Variants in USP24 observed in about 807,000 individuals in gnomAD.
USP24 encodes ubiquitin specific peptidase 24, also known as ubiquitin carboxyl-terminal hydrolase 24.
Under a neutral mutation model 361.6 loss-of-function variants are expected in USP24, and 97 were observed. The observed-to-expected ratio is 0.27, with a 90% CI of 0.23 to 0.32. The LOEUF is 0.32. Ranked by LOEUF, USP24 falls within the 10% of genes least tolerant of loss-of-function variation. USP24 has a pLI of 1.00. For synonymous variants in USP24, 1,098 were observed against 1,124.6 expected (o/e 0.98, Z 0.47); for missense variants, 2,353 against 3,165.6 (o/e 0.74, Z 6.16).
At chr1:55,209,675 T>C (rs907604125) in intron 1 of USP24, among the ~76,000 whole-genome samples, 1 of 152,216 alleles carries the variant, frequency 6.6e-6, no homozygotes, top group Non-Finnish European at 1.5e-5. Context: ...TGAGCTTTAG[T>C]GCACTTAGAG....
chr1:55,204,477 T>C (rs1004059094), intron 1 of USP24, among the ~76,000 whole-genome samples: 2 of 152,184 alleles, frequency 1.3e-5, no homozygotes, highest in African/African-American at 4.8e-5. Context: ...GAAATACTGC[T>C]TGAAAAAAAT....
At chr1:55,208,414 G>A (rs1234682353) in intron 1 of USP24, among the ~76,000 whole-genome samples, 4 of 151,976 alleles carry the variant, frequency 2.6e-5, no homozygotes, top group African/African-American at 4.8e-5. Context: ...GATCACTTGA[G>A]GCCAGAAGTT....
At chr1:55,069,140 C>T (rs772003191) in intron 67 of USP24, 33 bp from the exon 68 acceptor site, 83 of 1,611,912 alleles carry the variant, frequency 5.1e-5, no homozygotes, top group Non-Finnish European at 5.9e-5. Flanking sequence ...AAAGTTCATA[C>T]GGTTAGAGAA....
At chr1:55,075,970 GAAAAC>G (rs906465187) in intron 62 of USP24, among the ~76,000 whole-genome samples, 3 of 151,870 alleles carry the variant, frequency 2.0e-5, no homozygotes, top group African/African-American at 7.3e-5. Context: ...TTGAAAAAAA[GAAAAC>G]AAAACAAAAC....
At chr1:55,143,146 A>G in intron 21 of USP24, 27 bp from the exon 22 acceptor site, 2 of 1,442,926 alleles carry the variant, frequency 1.4e-6, no homozygotes, top group Non-Finnish European at 9.1e-7. Flanking sequence ...AAATTAAATT[A>G]TAAAGCATAT....
chr1:55,077,205 T>G (rs758260598), intron 62 of USP24, 30 bp downstream of exon 62: 14 of 1,461,250 alleles, frequency 9.6e-6, no homozygotes, highest in Non-Finnish European at 1.2e-5. Flanking sequence ...CATTCCTAAA[T>G]AAAAGTGAGT....
At chr1:55,148,332 T>C in intron 17 of USP24, 131 bp downstream of exon 17, 2 of 607,052 alleles carry the variant, frequency 3.3e-6, no homozygotes, top group East Asian at 3.2e-5. Flanking sequence ...CTCAAGATTA[T>C]TAGATGATAT....
rs3072970 is a variant in USP24, at chr1:55,175,219, C to CTT, written c.558+1155_558+1156dup. On this transcript the variant is annotated intron_variant, in intron 3 of 67. Coordinates refer to ENST00000294383, the MANE Select transcript of USP24 (RefSeq NM_015306.3). ...ATGAACTCTTTGTTTTACTGGGTCT[C>CTT]TTTTTTTTTTTTTTTTTTTTTTTTT... Among the ~76,000 whole-genome samples, 123 of 66,892 alleles carry CTT rather than the reference C, an allele frequency of 1.8e-3. 1 individual carries two copies. Among genetic ancestry groups the CTT allele is most frequent in the Admixed American group, 3.3e-3 (15 of 4,516 alleles). 43.9% of individuals were successfully genotyped at this position (66,892 alleles called of 152,430 possible). A position where few individuals can be genotyped will look rare whatever the true frequency, so the allele number is the denominator to read the frequency against.
At chr1:55,179,252 C>T (rs1643895577) in intron 1 of USP24, among the ~76,000 whole-genome samples, 1 of 152,192 alleles carries the variant, frequency 6.6e-6, no homozygotes, top group Non-Finnish European at 1.5e-5. Flanking sequence ...TCTCTGTTCT[C>T]CTCCCATGGG....
intron 39 of USP24, among the ~76,000 whole-genome samples, chr1:55,109,338 T>C (rs765976210): frequency 3.9e-5 from 6 of 152,218 alleles, no homozygotes; most frequent in Non-Finnish European, 7.3e-5. Context: ...ATAGAAATGT[T>C]GTTGAGGATT....
chr1:55,069,787 C>T lies in USP24; in HGVS notation c.7801-680G>A, dbSNP rs562477114. ...CTTGGGAGGCTGAGGCAAGGAGAAT[C>T]GCTGGAACCTGGGAGAAGGAGGTAG... is the stretch of plus-strand genomic sequence containing the variant. On this transcript the variant is annotated intron_variant, in intron 67 of 67. Coordinates refer to ENST00000294383, the MANE Select transcript of USP24 (RefSeq NM_015306.3). Among the ~76,000 whole-genome samples, 450 of 140,640 alleles carry T rather than the reference C, an allele frequency of 3.2e-3. 3 individuals carry two copies. The highest frequency in any genetic ancestry group is 0.011 in the African/African-American group (436 of 38,012). The allele number at this position is 140,640 out of a possible 152,430, so 92.3% of individuals were successfully genotyped here.
chr1:55,146,846 T>G, intron 19 of USP24, 83 bp downstream of exon 19: 1 of 1,536,994 alleles, frequency 6.5e-7, no homozygotes, highest in Non-Finnish European at 8.8e-7. Flanking sequence ...AACTGAAAAG[T>G]GTTTAGAAGA....
chr1:55,193,745 T>C (rs1644348139), intron 1 of USP24, among the ~76,000 whole-genome samples: 1 of 152,184 alleles, frequency 6.6e-6, no homozygotes, highest in East Asian at 1.9e-4. Context: ...AGTGTACATA[T>C]ATTATAATTT....
intron 31 of USP24, among the ~76,000 whole-genome samples, chr1:55,132,212 G>T (rs1371196007): frequency 2.0e-5 from 3 of 152,052 alleles, no homozygotes; most frequent in African/African-American, 7.2e-5. Flanking sequence ...TATGAACCAG[G>T]AGGCCAGCCC....
intron 20 of USP24, among the ~76,000 whole-genome samples, chr1:55,145,427 T>C (rs1647002363): frequency 6.6e-6 from 1 of 152,224 alleles, no homozygotes. Context: ...GATCACAGTG[T>C]ATGACTCCAT....
chr1:55,140,779 T>C (rs1646865967), intron 24 of USP24, among the ~76,000 whole-genome samples: 1 of 152,180 alleles, frequency 6.6e-6, no homozygotes, highest in Admixed American at 6.5e-5. Context: ...GCCAGTTTTC[T>C]GGGAAATAAT....
chr1:55,069,400 G>C (rs769317947), intron 67 of USP24, among the ~76,000 whole-genome samples: 10 of 152,248 alleles, frequency 6.6e-5, no homozygotes, highest in Non-Finnish European at 1.2e-4. Context: ...AGCTGGGAGA[G>C]GCATTGATGG....
At chr1:55,132,099 G>GT (rs1415487193) in intron 31 of USP24, among the ~76,000 whole-genome samples, 1 of 152,164 alleles carries the variant, frequency 6.6e-6, no homozygotes, top group African/African-American at 2.4e-5. Context: ...ACAATTAAAT[G>GT]TATTAAAGCT....
At chr1:55,090,843 G>A (rs1645358093) in intron 54 of USP24, among the ~76,000 whole-genome samples, 1 of 152,240 alleles carries the variant, frequency 6.6e-6, no homozygotes, top group Admixed American at 6.5e-5. Flanking sequence ...TCTGCACTTT[G>A]GGAGGCCAAG....
Sources: gnomAD v4.1 joint callset for allele counts (sites outside exome capture counted in the v4.1 genomes callset) on GRCh38, gnomAD v4.1.1 for gene constraint, MANE v1.5 for transcripts, NCBI Gene and HGNC (gene_info 2026-07-23, HGNC 2026-07-21) for gene names.